Variants in CIBAR2 observed in about 807,000 individuals in gnomAD.
CIBAR2 encodes the protein CBY1 interacting BAR domain containing 2.
CIBAR2 carries 38 observed loss-of-function variants against 36.2 expected under a neutral mutation model. The ratio of observed to expected loss-of-function variants is 1.05; its 90% CI spans 0.81 to 1.38. The LOEUF (loss-of-function observed/expected upper bound fraction) is 1.38, where lower values mean the gene tolerates loss of function less well. CIBAR2 is among the 40% of genes most tolerant of loss of function. The probability of loss-of-function intolerance (pLI) is 0.00; values close to 1 mark genes in which losing one functional copy is unlikely to be tolerated. For missense variants in CIBAR2, 481 were observed against 383.4 expected, an observed-to-expected ratio of 1.25 and a Z score of -2.13; for synonymous variants, 182 against 149.5, an observed-to-expected ratio of 1.22 and a Z score of -1.58.
At chr16:85,106,641 C>G (rs2073997988) in intron 5 of CIBAR2, among the ~76,000 whole-genome samples, 1 of 152,172 alleles carries the variant, frequency 6.6e-6, no homozygotes, top group Non-Finnish European at 1.5e-5. Flanking sequence ...GGCGCAGACT[C>G]TCCCTGGAAC....
rs113607126 is a variant in CIBAR2 at position 85,112,472 on chromosome 16, C to T, written c.-120G>A. On this transcript the variant is annotated 5_prime_UTR_variant, in exon 1 of 9. Transcript: ENST00000539556. ...AGCTGTGTGGCCTGGGCTCAAGGGA[C>T]GCTGCCACCCGGTTGCTAGGCGATG... 2.1e-4 allele frequency: 216 copies of T among 1,019,174 alleles called. 2 individuals carry two copies. Among genetic ancestry groups the T allele is most frequent in the South Asian group, 2.0e-3 (152 of 76,324 alleles). 63.1% of individuals were successfully genotyped at this position (1,019,174 alleles called of 1,614,324 possible).
At chr16:85,099,411 T>A in intron 8 of CIBAR2, 65 bp from the exon 9 acceptor site, 1 of 919,944 alleles carries the variant, frequency 1.1e-6, no homozygotes, top group Non-Finnish European at 1.8e-6. Context: ...ATCTAATGTA[T>A]GTACCTAATC....
chr16:85,102,735 C>T (rs1033879049), intron 6 of CIBAR2, among the ~76,000 whole-genome samples: 5 of 152,154 alleles, frequency 3.3e-5, no homozygotes, highest in African/African-American at 1.2e-4. Context: ...CATCCTGTTC[C>T]CTTCTTTCAC....
chr16:85,110,935 C>G (rs62051663), intron 1 of CIBAR2, among the ~76,000 whole-genome samples: 25,884 of 151,988 alleles, frequency 0.17, 2,602 homozygotes, highest in Non-Finnish European at 0.24. Context: ...GAACTCCTGA[C>G]CTCAGGTGAT....
chr16:85,103,022 C>G (rs2073967986), intron 6 of CIBAR2, among the ~76,000 whole-genome samples: 1 of 152,114 alleles, frequency 6.6e-6, no homozygotes, highest in Non-Finnish European at 1.5e-5. Context: ...CTGCCTCAGC[C>G]TCCTGAGTAG....
At chr16:85,099,797 CTTTTTTTTT>C (rs71386075) in intron 8 of CIBAR2, among the ~76,000 whole-genome samples, 7 of 77,532 alleles carry the variant, frequency 9.0e-5, no homozygotes, top group African/African-American at 2.6e-4. Context: ...CTAATTTTTG[CTTTTTTTTT>C]TTTTTTTTTT....
In CIBAR2 at chr16:85,107,891, T is replaced by C; in HGVS notation, c.381A>G (p.Lys127=). 6.2e-7 allele frequency: 1 copy of C among 1,614,146 alleles called. No homozygotes were observed. Among genetic ancestry groups the C allele is most frequent in the Non-Finnish European group, 8.5e-7 (1 of 1,179,986 alleles). Residue 127 remains lysine (K), a synonymous_variant, in exon 4 of 9, where the codon AAA becomes AAG. Coordinates refer to ENST00000539556, the MANE Select transcript of CIBAR2 (RefSeq NM_198491.3). ...GTGACTTCTGCCTCAGTTTCTCCAG[T>C]TTTTCCAGTTGTTTGATCTCATGAT... is the stretch of plus-strand genomic sequence containing the variant. ...VQNHEIKQLE[K]LEKLRQKSPS...
At chr16:85,107,013 G>T (rs1318756013) in intron 5 of CIBAR2, among the ~76,000 whole-genome samples, 1 of 152,174 alleles carries the variant, frequency 6.6e-6, no homozygotes, top group Non-Finnish European at 1.5e-5. Flanking sequence ...AGGCACAGTG[G>T]TGGGCACCTG....
chr16:85,110,132 G>A, intron 2 of CIBAR2, 94 bp downstream of exon 2: 1 of 914,666 alleles, frequency 1.1e-6, no homozygotes. Flanking sequence ...CATTGGCTGT[G>A]GCCACAGCAG....
rs543387560 is a variant in CIBAR2 at position 85,105,310 on chromosome 16, C to T, written c.537+17G>A. The T allele has an allele frequency of 1.6e-5, 26 of 1,577,346 alleles. No individual in the cohort carries two copies. Among genetic ancestry groups the T allele is most frequent in the African/African-American group, 9.4e-5 (7 of 74,390 alleles). ...AGGCAGCCCAGGGCGCCTCCCATCC[C>T]GGCCAACCACCCTCACCTGCAGGTC... On this transcript the variant is annotated intron_variant, in intron 6 of 8. Transcript: ENST00000539556.
chr16:85,102,402 A>T, intron 6 of CIBAR2, 75 bp from the exon 7 acceptor site: 1 of 892,052 alleles, frequency 1.1e-6, no homozygotes, highest in East Asian at 2.4e-5. Context: ...ATGCAGGCAG[A>T]TGGGGTGGGG....
At chr16:85,101,576 G>T (rs989620126) in intron 7 of CIBAR2, among the ~76,000 whole-genome samples, 2 of 152,152 alleles carry the variant, frequency 1.3e-5, no homozygotes, top group African/African-American at 2.4e-5. Flanking sequence ...AACCAGATCA[G>T]AAGGGGATAA....
chr16:85,099,091 A>C lies in CIBAR2; in HGVS notation c.*94T>G. The C allele has an allele frequency of 7.1e-7, 1 of 1,398,928 alleles. No individual in the cohort carries two copies. Among genetic ancestry groups the C allele is most frequent in the Non-Finnish European group, 9.4e-7 (1 of 1,062,952 alleles). The allele number at this position is 1,398,928 out of a possible 1,614,324, so 86.7% of individuals were successfully genotyped here. On this transcript the variant is annotated 3_prime_UTR_variant, in exon 9 of 9. Coordinates refer to ENST00000539556, the MANE Select transcript of CIBAR2 (RefSeq NM_198491.3). ...GTCTTTGAATTAACACAATCCAACA[A>C]AGACAAAGAAAAAAGAATCAGAAAA...
At chr16:85,112,109 G>T (rs886347127) in intron 1 of CIBAR2, among the ~76,000 whole-genome samples, 1 of 152,214 alleles carries the variant, frequency 6.6e-6, no homozygotes, top group Non-Finnish European at 1.5e-5. Context: ...AGGCAGCGAT[G>T]CTGGAGAAGC....
chr16:85,100,919 C>T (rs972848613), intron 7 of CIBAR2, among the ~76,000 whole-genome samples: 7 of 152,114 alleles, frequency 4.6e-5, no homozygotes, highest in African/African-American at 1.2e-4. Flanking sequence ...TGATGGAGGG[C>T]GCCTGTAGTC....
chr16:85,101,786 C>T (rs2073957668), intron 7 of CIBAR2, among the ~76,000 whole-genome samples: 1 of 152,010 alleles, frequency 6.6e-6, no homozygotes, highest in Non-Finnish European at 1.5e-5. Flanking sequence ...TCTCCTGCCT[C>T]AGCCTCCCGA....
At chr16:85,099,863 G>A (rs868516336) in intron 8 of CIBAR2, among the ~76,000 whole-genome samples, 2 of 133,678 alleles carry the variant, frequency 1.5e-5, no homozygotes, top group Non-Finnish European at 3.1e-5. Flanking sequence ...GGCTGGTCTC[G>A]AACTCCTGAC....
At chr16:85,105,506 C>G (rs536036995) in intron 5 of CIBAR2, 75 bp from the exon 6 acceptor site, 3 of 1,092,110 alleles carry the variant, frequency 2.7e-6, no homozygotes, top group African/African-American at 1.5e-5. Context: ...CTGAATCACT[C>G]TGTCTCTAAA....
At chr16:85,109,404 G>C (rs2074023094) in intron 2 of CIBAR2, among the ~76,000 whole-genome samples, 1 of 152,208 alleles carries the variant, frequency 6.6e-6, no homozygotes, top group Admixed American at 6.5e-5. Context: ...ATCGTGGGTT[G>C]TGTCTGCCTG....
Sources: gnomAD v4.1 joint callset for allele counts (sites outside exome capture counted in the v4.1 genomes callset) on GRCh38, gnomAD v4.1.1 for gene constraint, MANE v1.5 for transcripts, NCBI Gene and HGNC (gene_info 2026-07-23, HGNC 2026-07-21) for gene names.